UBR4: variants seen among roughly 807,000 people sequenced by gnomAD.
The protein encoded by UBR4 is E3 ubiquitin-protein ligase UBR4.
Under a neutral mutation model 575.6 loss-of-function variants are expected in UBR4, and 124 were observed. The ratio of observed to expected loss-of-function variants is 0.22; its 90% confidence interval spans 0.19 to 0.25. The LOEUF is 0.25. Ranked by LOEUF, UBR4 falls within the 10% of genes least tolerant of loss-of-function variation. The pLI, the probability that UBR4 is intolerant of heterozygous loss-of-function variation, is 1.00. For synonymous variants in UBR4, 2,455 were observed against 2,473.7 expected (o/e 0.99, Z 0.22); for missense variants, 4,818 against 6,478.8 (o/e 0.74, Z 8.80).
Position 19,189,660 on chromosome 1 carries a change from T to C in UBR4, c.1395-2120A>G, listed in dbSNP as rs1475621187. ...TTTTTACCTTTCCTATTTATGTCCA[T>C]CTGTATGGCTTGTCACTTATACAAC... On this transcript the variant is annotated intron_variant, in intron 11 of 105. Transcript: ENST00000375254. Among the ~76,000 whole-genome samples, 8 of 152,246 alleles carry C rather than the reference T, an allele frequency of 5.3e-5. No homozygotes were observed. In the East Asian group the frequency reaches 7.7e-4, roughly 15 times the overall value.
At chr1:19,107,379 T>C (rs1254737262) in intron 81 of UBR4, among the ~76,000 whole-genome samples, 1 of 152,152 alleles carries the variant, frequency 6.6e-6, no homozygotes, top group Non-Finnish European at 1.5e-5. Flanking sequence ...CAGTCCAGCG[T>C]GTCTCAAGCT....
At chr1:19,097,434 C>G (rs764933384) in intron 90 of UBR4, among the ~76,000 whole-genome samples, 154 bp from the exon 91 acceptor site, 8 of 152,174 alleles carry the variant, frequency 5.3e-5, no homozygotes, top group Non-Finnish European at 8.8e-5. Context: ...AAATGCACAG[C>G]AATTCACTTA....
intron 71 of UBR4, chr1:19,118,562 A>T: frequency 3.7e-6 from 1 of 270,946 alleles, no homozygotes; most frequent in Non-Finnish European, 7.0e-6. Flanking sequence ...CTGGGACCAC[A>T]GGTACACGCC....
At position 19,157,313 on chromosome 1, in the gene UBR4, G is replaced by A. The variant is rs1241060255; in HGVS notation, c.5761-388C>T. Reference sequence around the variant, plus strand: ...AAACAACATTAGTGGTGATGGAGAGGCCAGAATACAGAAAAGTGTGAGTTA... The same window carrying A: ...AAACAACATTAGTGGTGATGGAGAGACCAGAATACAGAAAAGTGTGAGTTA... On this transcript the variant is annotated intron_variant, in intron 40 of 105. Transcript: ENST00000375254. The surrounding 1 kb of genome is among the most constrained non-coding windows in gnomAD (Gnocchi z 4.4). 6.6e-6 allele frequency among the ~76,000 whole-genome samples: 1 copy of A among 152,170 alleles called. No homozygotes were observed. The highest frequency in any genetic ancestry group is 1.5e-5 in the Non-Finnish European group (1 of 68,038).
intron 89 of UBR4, among the ~76,000 whole-genome samples, 155 bp from the exon 90 acceptor site, chr1:19,099,832 T>C (rs2078440454): frequency 6.6e-6 from 1 of 152,132 alleles, no homozygotes; most frequent in Admixed American, 6.5e-5. Context: ...TCCGCACGTA[T>C]GAAAAACACA....
intron 101 of UBR4, 108 bp from the exon 102 acceptor site, chr1:19,084,806 G>A: frequency 9.3e-7 from 1 of 1,076,446 alleles, no homozygotes; most frequent in African/African-American, 1.6e-5. Flanking sequence ...GGCTGCAAAG[G>A]TTTGCAAACG....
intron 86 of UBR4, 93 bp from the exon 87 acceptor site, chr1:19,104,350 G>C: frequency 1.3e-6 from 2 of 1,487,666 alleles, no homozygotes; most frequent in Non-Finnish European, 1.8e-6. Flanking sequence ...TCAAAAAGCA[G>C]GGAAAATCTA....
In UBR4 at chr1:19,152,339, T is replaced by C; in HGVS notation, c.6970A>G (p.Thr2324Ala). Residue 2324 changes from threonine (T) to alanine (A), a missense_variant, in exon 47 of 106, where the codon ACT becomes GCT. Around this residue, in one of 29 missense-constraint regions of UBR4, gnomAD observed 461 missense variants for 606.9 expected, o/e 0.76. Coordinates refer to ENST00000375254, the MANE Select transcript of UBR4 (RefSeq NM_020765.3). The surrounding 1 kb of genome is among the most constrained non-coding windows in gnomAD (Gnocchi z 4.4). ...TTGGTGTTGGCCACATACATGCCAG[T>C]GGAATTCAGCCGGTGTTTTATCTGT... Reference protein sequence around the residue: ...AQQIKHRLNSTGMYVANTKPG... With the variant: ...AQQIKHRLNSAGMYVANTKPG... 6.2e-7 allele frequency: 1 copy of C among 1,613,970 alleles called. No individual in the cohort carries two copies. Among genetic ancestry groups the C allele is most frequent in the Non-Finnish European group, 8.5e-7 (1 of 1,179,852 alleles).
chr1:19,075,023 T>C, intron 105 of UBR4, 127 bp from the exon 106 acceptor site: 2 of 937,990 alleles, frequency 2.1e-6, no homozygotes, highest in Non-Finnish European at 3.4e-6. Context: ...GGCTGCTCAC[T>C]GGACAGCAGC....
rs1363831689 is a variant in UBR4, at chr1:19,119,096, C to T, written c.10456-139G>A. 5 of 718,016 alleles carry T rather than the reference C, an allele frequency of 7.0e-6. No individual in the cohort carries two copies. In the African/African-American group the frequency reaches 8.9e-5, roughly 13 times the overall value. 44.5% of individuals were successfully genotyped at this position (718,016 alleles called of 1,614,324 possible). A position where few individuals can be genotyped will look rare whatever the true frequency, so the allele number is the denominator to read the frequency against. ...CAGTCAGAATCATACAAAGCTGGGC[C>T]TAATTTCAATCATTTAAATGGATTC... is the stretch of plus-strand genomic sequence containing the variant. On this transcript the variant is annotated intron_variant, in intron 70 of 105. Transcript: ENST00000375254.
At chr1:19,200,177 G>A (rs958435665) in intron 2 of UBR4, among the ~76,000 whole-genome samples, 1 of 151,652 alleles carries the variant, frequency 6.6e-6, no homozygotes, top group African/African-American at 2.4e-5. Context: ...AACCAGGAGT[G>A]TGCAATCTTT....
Position 19,173,486 on chromosome 1 carries a change from G to A in UBR4, c.3118C>T (p.Arg1040Ter). 3.1e-6 allele frequency: 5 copies of A among 1,614,094 alleles called. No homozygotes were observed. The highest frequency in any genetic ancestry group is 2.2e-5 in the East Asian group (1 of 44,852). The change falls in exon 23 of 106, where the codon CGA becomes TGA. Residue 1040 changes from arginine (R) to a stop codon, truncating the protein, a stop_gained. Transcript: ENST00000375254. LOFTEE classifies it high-confidence loss of function. The stretch of plus-strand genomic sequence containing the variant: ...CTGATCCGGAGCCGAGAAGACCATC[G>A]CAGAGTGTGCAAGATGTCACATTCG... ...MSECDILHTL[R>*]WSSRLRISSY...
chr1:19,141,514 A>G lies in UBR4; in HGVS notation c.8321T>C (p.Met2774Thr), dbSNP rs1259426354. ...GACATTTTCAGCTGTCTCCAGGACC[A>G]TCGACTCAGACTGCAGAGAGAAAGC... ...HGDFEMVSES[M>T]VLETAENVNN... The change falls in exon 57 of 106, where the codon ATG (methionine) becomes ACG (threonine). Residue 2774 changes from methionine to threonine, a missense_variant. This residue lies in a region of UBR4 where 129 missense variants were observed against 198.4 expected (regional missense o/e 0.65). Coordinates refer to ENST00000375254, the MANE Select transcript of UBR4 (RefSeq NM_020765.3). The G allele has an allele frequency of 6.2e-7, 1 of 1,607,226 alleles. No individual in the cohort carries two copies. Among genetic ancestry groups the G allele is most frequent in the Non-Finnish European group, 8.5e-7 (1 of 1,176,748 alleles).
chr1:19,156,326 A>G lies in UBR4; in HGVS notation c.6017T>C (p.Val2006Ala), dbSNP rs745599654. ...LATGNFIIKA[V>A]WLPGSQTELA... ...CTCGGTCTGTGAACCAGGTAACCAC[A>G]CGGCTTTGATGATGAAGTTCCCCGT... Residue 2006 changes from valine to alanine, a missense_variant, in exon 42 of 106, where the codon GTG becomes GCG. Val to Ala is a moderately conservative substitution (Grantham distance 64, BLOSUM62 0). Around this residue, in one of 29 missense-constraint regions of UBR4, gnomAD observed 461 missense variants for 606.9 expected, o/e 0.76. Coordinates refer to ENST00000375254, the MANE Select transcript of UBR4 (RefSeq NM_020765.3). The G allele has an allele frequency of 3.9e-5, 63 of 1,614,104 alleles. No individual in the cohort carries two copies. The Admixed American group carries it at 1.0e-3, about 26-fold the overall frequency.
chr1:19,112,506 C>A lies in UBR4; in HGVS notation c.11801+18G>T. 6.3e-7 allele frequency: 1 copy of A among 1,589,404 alleles called. No individual in the cohort carries two copies. Among genetic ancestry groups the A allele is most frequent in the South Asian group, 1.2e-5 (1 of 86,672 alleles). ...CAGTAGGAACCACTAGGCCCATAACCATGGTGTAGGTACTGACCGAGTTAG... is the reference window on the plus strand; with the variant it reads ...CAGTAGGAACCACTAGGCCCATAACAATGGTGTAGGTACTGACCGAGTTAG... On this transcript the variant is annotated intron_variant, in intron 78 of 105. Transcript: ENST00000375254.
intron 97 of UBR4, among the ~76,000 whole-genome samples, chr1:19,091,080 G>C (rs1025848965): frequency 7.3e-6 from 1 of 137,194 alleles, no homozygotes; most frequent in Admixed American, 7.6e-5. Flanking sequence ...TGGGTGACAA[G>C]AGCAAAACTT....
Position 19,104,266 on chromosome 1 carries a change from AC to A in UBR4, c.12728-10del. On this transcript the variant is annotated splice_polypyrimidine_tract_variant and intron_variant, in intron 86 of 105. Transcript: ENST00000375254. Reference sequence around the variant, plus strand: ...AAAGGAGGAGAGAAGGCCTGTGGAGACAGGAAAATGTTGCTGTGAGAGCTCT... The same window carrying A: ...AAAGGAGGAGAGAAGGCCTGTGGAGAAGGAAAATGTTGCTGTGAGAGCTCT... 1 of 1,613,402 alleles carries A rather than the reference AC, an allele frequency of 6.2e-7. No homozygotes were observed.
chr1:19,128,351 A>C (rs765351814), intron 61 of UBR4, 33 bp from the exon 62 acceptor site: 1 of 1,582,880 alleles, frequency 6.3e-7, no homozygotes, highest in East Asian at 2.2e-5. Context: ...ACAAAACCCA[A>C]TTTCCTAAAG....
rs146080164 is a variant in UBR4, at chr1:19,166,810, G to A, written c.4109+212C>T. On this transcript the variant is annotated intron_variant, in intron 29 of 105. Coordinates refer to ENST00000375254, the MANE Select transcript of UBR4 (RefSeq NM_020765.3). ...AGTCCCAGCTACACAGAAGGCTAAG[G>A]TAGGAGGATTGCTTGAGCCCCGGAG... Among the ~76,000 whole-genome samples, 14 of 149,386 alleles carry A rather than the reference G, an allele frequency of 9.4e-5. No homozygotes were observed. The East Asian group carries it at 2.6e-3, about 28-fold the overall frequency.
Sources: gnomAD v4.1 joint callset for allele counts (sites outside exome capture counted in the v4.1 genomes callset) on GRCh38, gnomAD v4.1.1 for gene constraint, gnomAD v4.1.1 regional missense constraint, Gnocchi (gnomAD v3.1) non-coding constraint, MANE v1.5 for transcripts, NCBI Gene and HGNC (gene_info 2026-07-23, HGNC 2026-07-21) for gene names.